Variants in DPYSL5 observed in about 807,000 individuals in gnomAD.
DPYSL5 encodes dihydropyrimidinase like 5.
A neutral mutation model predicts 58.4 loss-of-function variants in DPYSL5; 9 were observed. The ratio of observed to expected loss-of-function variants is 0.15; its 90% confidence interval spans 0.09 to 0.27. The LOEUF is 0.27. Ranked by LOEUF, DPYSL5 falls within the 10% of genes least tolerant of loss-of-function variation. The pLI is 1.00. For synonymous variants in DPYSL5, 293 were observed against 301.9 expected, an observed-to-expected ratio of 0.97 and a Z score of 0.31; for missense variants, 499 against 770.6, an observed-to-expected ratio of 0.65 and a Z score of 4.17.
intron 8 of DPYSL5, among the ~76,000 whole-genome samples, chr2:26,937,604 A>G (rs1665211954): frequency 6.6e-6 from 1 of 151,960 alleles, no homozygotes; most frequent in Non-Finnish European, 1.5e-5. Flanking sequence ...CAATCTATAG[A>G]TATAACTATT....
In DPYSL5 at chr2:26,942,595, A is replaced by G. The variant is rs1292808702; in HGVS notation, c.1285A>G (p.Asn429Asp). 1.9e-6 allele frequency: 3 copies of G among 1,614,010 alleles called. No homozygotes were observed. Among genetic ancestry groups the G allele is most frequent in the Non-Finnish European group, 2.5e-6 (3 of 1,180,036 alleles). ...VQGGDFNLYE[N>D]MRCHGVPLVT... Reference sequence around the variant, plus strand: ...GGGAGGAGACTTCAACCTGTATGAGAACATGCGCTGCCACGGCGTGCCACT... The same window carrying G: ...GGGAGGAGACTTCAACCTGTATGAGGACATGCGCTGCCACGGCGTGCCACT... The change falls in exon 11 of 13, where the codon AAC (asparagine) becomes GAC (aspartate). Residue 429 changes from asparagine to aspartate, a missense_variant. By Grantham distance (23) the Asn-to-Asp change is conservative. Around this residue, in one of 3 missense-constraint regions of DPYSL5, gnomAD observed 404 missense variants for 647.6 expected, o/e 0.62. Transcript: ENST00000288699. The surrounding 1 kb of genome is among the most constrained non-coding windows in gnomAD (Gnocchi z 5.9).
At chr2:26,858,281 C>T (rs1044697192) in intron 1 of DPYSL5, among the ~76,000 whole-genome samples, 1 of 150,108 alleles carries the variant, frequency 6.7e-6, no homozygotes, top group Non-Finnish European at 1.5e-5. Flanking sequence ...ACACCATTCT[C>T]CTGCCTCAGC....
rs1445333876 is a variant in DPYSL5 at position 26,905,770 on chromosome 2, G to T, written c.261+7010G>T. On this transcript the variant is annotated intron_variant, in intron 2 of 12. Coordinates refer to ENST00000288699, the MANE Select transcript of DPYSL5 (RefSeq NM_020134.4). The surrounding 1 kb of genome is among the most constrained non-coding windows in gnomAD (Gnocchi z 4.0). ...ATCGGTACTTAGTCTGCTTGTAGAG[G>T]GTATATTAGTTTTCTGCTGTGTAAC... is the stretch of plus-strand genomic sequence containing the variant. Among the ~76,000 whole-genome samples the T allele has an allele frequency of 2.0e-5, 3 of 152,052 alleles. No individual in the cohort carries two copies. Among genetic ancestry groups the T allele is most frequent in the Non-Finnish European group, 2.9e-5 (2 of 68,020 alleles).
intron 2 of DPYSL5, among the ~76,000 whole-genome samples, chr2:26,906,186 CTT>C (rs35287552): frequency 1.5e-3 from 208 of 138,722 alleles, no homozygotes; most frequent in African/African-American, 4.9e-3. Context: ...AAACCCATAT[CTT>C]TTTTTTTTTT....
At position 26,910,407 on chromosome 2, in the gene DPYSL5, C is replaced by T. The variant is rs182864936; in HGVS notation, c.261+11647C>T. ...TGTGGTCAGTCTTTTTAATTTTAGC[C>T]GTTCTAATAGGTGTGTAGTGGTATC... On this transcript the variant is annotated intron_variant, in intron 2 of 12. Transcript: ENST00000288699. Among the ~76,000 whole-genome samples the T allele has an allele frequency of 5.1e-3, 772 of 152,078 alleles. 4 individuals carry two copies. Among genetic ancestry groups the T allele is most frequent in the Middle Eastern group, 6.8e-3 (2 of 294 alleles).
chr2:26,881,648 CAG>C (rs1207667186), intron 1 of DPYSL5, among the ~76,000 whole-genome samples: 1 of 152,170 alleles, frequency 6.6e-6, no homozygotes, highest in Admixed American at 6.5e-5. Context: ...GGCTTAAAGT[CAG>C]AGGCAGGTAA....
At chr2:26,946,735 A>G (rs1665495016) in intron 12 of DPYSL5, among the ~76,000 whole-genome samples, 175 bp from the exon 13 acceptor site, 1 of 149,466 alleles carries the variant, frequency 6.7e-6, no homozygotes, top group South Asian at 2.2e-4. Context: ...ACACTGCAAC[A>G]TGGGGCAAGT....
intron 1 of DPYSL5, among the ~76,000 whole-genome samples, chr2:26,851,616 G>A (rs1475629355): frequency 6.6e-6 from 1 of 152,070 alleles, no homozygotes; most frequent in African/African-American, 2.4e-5. Context: ...ATAAGCCAAA[G>A]GACAGCATGA....
At chr2:26,911,079 G>GTT (rs57441106) in intron 2 of DPYSL5, among the ~76,000 whole-genome samples, 12,363 of 100,284 alleles carry the variant, frequency 0.12, 1,205 homozygotes, top group Admixed American at 0.17. Context: ...TCTATGTTCA[G>GTT]TTTTTTTTTT....
At chr2:26,855,097 C>T (rs866599137) in intron 1 of DPYSL5, among the ~76,000 whole-genome samples, 1 of 151,666 alleles carries the variant, frequency 6.6e-6, no homozygotes, top group African/African-American at 2.4e-5. Flanking sequence ...GGATCACAGG[C>T]GTGAGCCACT....
intron 1 of DPYSL5, among the ~76,000 whole-genome samples, chr2:26,882,765 T>G (rs1458123460): frequency 6.6e-6 from 1 of 151,968 alleles, no homozygotes; most frequent in Non-Finnish European, 1.5e-5. Flanking sequence ...TTTTGTAAAT[T>G]AGCCAGAGGT....
Position 26,944,745 on chromosome 2 carries a change from A to C in DPYSL5, c.1530A>C (p.Pro510=), listed in dbSNP as rs1363200427. The C allele has an allele frequency of 6.2e-7, 1 of 1,613,730 alleles. No homozygotes were observed. Among genetic ancestry groups the C allele is most frequent in the South Asian group, 1.1e-5 (1 of 91,046 alleles). Residue 510 remains proline (P), a synonymous_variant, in exon 12 of 13, where the codon CCA becomes CCC. Transcript: ENST00000288699. This position sits in a 1 kb window ranked among gnomAD's most constrained non-coding sequence, Gnocchi z 4.4. ...CTGGGAAAAAAGAGATGGGAACCCC[A>C]CTCGCAGACACTCCTACCCGGCCCG... The part of the protein sequence containing the change: ...VHPGKKEMGT[P]LADTPTRPVT...
chr2:26,917,928 G>T (rs1664608129), intron 2 of DPYSL5, among the ~76,000 whole-genome samples: 1 of 152,076 alleles, frequency 6.6e-6, no homozygotes, highest in African/African-American at 2.4e-5. Context: ...CTGAGGTCAG[G>T]AGTTCGAGAC....
At chr2:26,931,531 C>T (rs796195823) in intron 5 of DPYSL5, 109 bp from the exon 6 acceptor site, 9 of 1,383,202 alleles carry the variant, frequency 6.5e-6, no homozygotes, top group South Asian at 3.8e-5. Flanking sequence ...GGCTTTGCCC[C>T]GAGCCAACCC....
intron 1 of DPYSL5, among the ~76,000 whole-genome samples, chr2:26,872,772 G>T (rs765392371): frequency 6.7e-6 from 1 of 149,304 alleles, no homozygotes; most frequent in Non-Finnish European, 1.5e-5. Context: ...TCATGCAACT[G>T]CACTCCAGCC....
chr2:26,911,501 A>G (rs934317109), intron 2 of DPYSL5, among the ~76,000 whole-genome samples: 6 of 152,232 alleles, frequency 3.9e-5, no homozygotes, highest in African/African-American at 1.2e-4. Flanking sequence ...ATTTGGAGGG[A>G]AAAATCTATG....
At chr2:26,931,137 T>TAAA (rs61652873) in intron 5 of DPYSL5, among the ~76,000 whole-genome samples, 42 of 49,536 alleles carry the variant, frequency 8.5e-4, no homozygotes, top group African/African-American at 2.4e-3. Context: ...AGACCCTATC[T>TAAA]AAAAAAAAAA....
intron 1 of DPYSL5, among the ~76,000 whole-genome samples, chr2:26,881,363 C>A (rs142812139): frequency 1.5e-3 from 225 of 152,326 alleles, no homozygotes; most frequent in South Asian, 0.012. Flanking sequence ...CACTGGCCTG[C>A]CACCCCTGTG....
At chr2:26,854,657 C>G (rs980242813) in intron 1 of DPYSL5, among the ~76,000 whole-genome samples, 1 of 152,172 alleles carries the variant, frequency 6.6e-6, no homozygotes, top group East Asian at 1.9e-4. Context: ...GACCTCTTTT[C>G]TCGTCCAGGT....
Sources: allele counts gnomAD v4.1 joint callset (sites outside exome capture counted in the v4.1 genomes callset), GRCh38; gene constraint gnomAD v4.1.1; regional missense constraint gnomAD v4.1.1; non-coding constraint Gnocchi (gnomAD v3.1); transcripts MANE v1.5; gene names NCBI Gene and HGNC (gene_info 2026-07-23, HGNC 2026-07-21).